LPP: variants seen among roughly 807,000 people sequenced by gnomAD.
LPP encodes lipoma-preferred partner.
In LPP, 38 loss-of-function variants were observed where a neutral mutation model predicts 60.4. That is an observed-to-expected ratio of 0.63 (90% CI 0.49 to 0.83). The LOEUF is 0.83. LPP is among the 40% of genes least tolerant of loss of function. The probability of loss-of-function intolerance (pLI) is 0.00; values close to 1 mark genes in which losing one functional copy is unlikely to be tolerated. For missense variants in LPP, 902 were observed against 783.6 expected, an observed-to-expected ratio of 1.15 and a Z score of -1.80; for synonymous variants, 328 against 290.8, an observed-to-expected ratio of 1.13 and a Z score of -1.30.
intron 4 of LPP, among the ~76,000 whole-genome samples, chr3:188,448,620 C>T (rs887863607): frequency 3.3e-5 from 5 of 152,020 alleles, no homozygotes; most frequent in South Asian, 2.1e-4. Context: ...TTGCCTAGGA[C>T]GTTCAGTGGG....
intron 9 of LPP, among the ~76,000 whole-genome samples, chr3:188,775,057 T>TTTG (rs1478023920): frequency 1.4e-5 from 2 of 145,400 alleles, no homozygotes; most frequent in African/African-American, 5.2e-5. Flanking sequence ...TGCTTAGTGT[T>TTTG]TTTTTTTTTT....
Position 188,182,937 on chromosome 3 carries a change from T to C in LPP, c.-190+28685T>C, listed in dbSNP as rs1725554612. Among the ~76,000 whole-genome samples, 1 of 152,122 alleles carries C rather than the reference T, an allele frequency of 6.6e-6. No individual in the cohort carries two copies. Among genetic ancestry groups the C allele is most frequent in the Admixed American group, 6.5e-5 (1 of 15,280 alleles). ...AGAGAAAATTCCCTCAGTGTTTCCA[T>C]TGTACATTGCTGGTGAAAAACCAAT... On this transcript the variant is annotated intron_variant, in intron 1 of 11. Coordinates refer to ENST00000617246, the MANE Select transcript of LPP (RefSeq NM_001375462.1). The surrounding 1 kb of genome is among the most constrained non-coding windows in gnomAD (Gnocchi z 4.4).
chr3:188,170,638 T>C (rs939784698), intron 1 of LPP, among the ~76,000 whole-genome samples: 2 of 149,180 alleles, frequency 1.3e-5, no homozygotes, highest in South Asian at 2.1e-4. Flanking sequence ...GCCGAGGGAG[T>C]CTCAGCTTCT....
chr3:188,676,162 G>C (rs558098318), intron 7 of LPP, among the ~76,000 whole-genome samples: 1 of 152,296 alleles, frequency 6.6e-6, no homozygotes, highest in African/African-American at 2.4e-5. Context: ...TATTCTGGTG[G>C]AATCGAATTC....
chr3:188,232,481 G>A lies in LPP; in HGVS notation c.-67+6954G>A, dbSNP rs557860675. Among the ~76,000 whole-genome samples the A allele has an allele frequency of 2.7e-3, 409 of 148,980 alleles. 1 individual carries two copies. The highest frequency in any genetic ancestry group is 3.8e-3 in the Non-Finnish European group (254 of 67,502). On this transcript the variant is annotated intron_variant, in intron 2 of 11. Coordinates refer to ENST00000617246, the MANE Select transcript of LPP (RefSeq NM_001375462.1). ...AGCCTCCCAAGTGGCTGGGATTACA[G>A]ATGCATGCCATCACACCCGGCTATT...
chr3:188,881,924 G>C lies in LPP; in HGVS notation c.*7445G>C, dbSNP rs1029618763. 2 of 217,610 alleles carry C rather than the reference G, an allele frequency of 9.2e-6. No homozygotes were observed. The highest frequency in any genetic ancestry group is 4.5e-5 in the African/African-American group (2 of 44,460). The allele number at this position is 217,610 out of a possible 1,614,324, so 13.5% of individuals were successfully genotyped here. The stretch of plus-strand genomic sequence containing the variant: ...CTGTGCTCAAATATTTGTACCTAGA[G>C]ACGTTACATGTTAGAAAAAGTGAGC... On this transcript the variant is annotated 3_prime_UTR_variant, in exon 12 of 12. Coordinates refer to ENST00000617246, the MANE Select transcript of LPP (RefSeq NM_001375462.1).
chr3:188,306,632 A>G (rs965828450), intron 2 of LPP, among the ~76,000 whole-genome samples: 24 of 152,116 alleles, frequency 1.6e-4, no homozygotes, highest in African/African-American at 5.6e-4. Context: ...TGTGTTGTTG[A>G]AATGCCATGC....
intron 2 of LPP, among the ~76,000 whole-genome samples, chr3:188,245,340 T>G (rs1726536186): frequency 6.6e-6 from 1 of 152,178 alleles, no homozygotes; most frequent in African/African-American, 2.4e-5. Context: ...CTCGAACTTC[T>G]GACCTCGTGA....
At chr3:188,539,506 A>G (rs567771620) in intron 6 of LPP, among the ~76,000 whole-genome samples, 1 of 152,186 alleles carries the variant, frequency 6.6e-6, no homozygotes, top group South Asian at 2.1e-4. Flanking sequence ...TGTAAGGTCA[A>G]TATTTTTCTA....
At chr3:188,251,373 G>A (rs191651148) in intron 2 of LPP, among the ~76,000 whole-genome samples, 7 of 152,074 alleles carry the variant, frequency 4.6e-5, no homozygotes, top group African/African-American at 1.7e-4. Context: ...AGTCAAGCAT[G>A]TCTTCATTAT....
In LPP at chr3:188,881,022, C is replaced by T. The variant is rs1473610697; in HGVS notation, c.*6543C>T. On this transcript the variant is annotated 3_prime_UTR_variant, in exon 12 of 12. Transcript: ENST00000617246. ...TGGCTCAGTGGCGGGCGCCTGTAGT[C>T]CCAGCTACTCAGGAGGCTGAGGCAG... is the stretch of plus-strand genomic sequence containing the variant. 6.2e-6 allele frequency: 1 copy of T among 162,224 alleles called. No homozygotes were observed. Among genetic ancestry groups the T allele is most frequent in the African/African-American group, 2.4e-5 (1 of 41,542 alleles). 10.0% of individuals were successfully genotyped at this position (162,224 alleles called of 1,614,324 possible). A position where few individuals can be genotyped will look rare whatever the true frequency, so the allele number is the denominator to read the frequency against.
rs1486419484 is a variant in LPP, at chr3:188,874,783, C to A, written c.*304C>A. The A allele has an allele frequency of 6.3e-5, 17 of 271,542 alleles. No individual in the cohort carries two copies. The allele number at this position is 271,542 out of a possible 1,614,324, so 16.8% of individuals were successfully genotyped here. A position where few individuals can be genotyped will look rare whatever the true frequency, so the allele number is the denominator to read the frequency against. ...ACTTTTAATCCCTATGTTTGTCTCA[C>A]TTTTCATCTGGTTGAATGGCTTTTC... is the stretch of plus-strand genomic sequence containing the variant. On this transcript the variant is annotated 3_prime_UTR_variant, in exon 12 of 12. Transcript: ENST00000617246.
rs1301896129 is a variant in LPP at position 188,251,015 on chromosome 3, C to CT, written c.-67+25488_-67+25489insT. ...TGCCCTCCCCCCCTGCCCTCCCCCC[C>CT]GCCCTCCCCCCTTCCCTCCCCTTTT... On this transcript the variant is annotated intron_variant, in intron 2 of 11. Coordinates refer to ENST00000617246, the MANE Select transcript of LPP (RefSeq NM_001375462.1). Among the ~76,000 whole-genome samples, 331 of 61,242 alleles carry CT rather than the reference C, an allele frequency of 5.4e-3. 12 individuals carry two copies. The highest frequency in any genetic ancestry group is 0.021 in the African/African-American group (303 of 14,458). The allele number at this position is 61,242 out of a possible 152,430, so 40.2% of individuals were successfully genotyped here.
chr3:188,824,129 G>A (rs972777323), intron 9 of LPP, among the ~76,000 whole-genome samples: 2 of 152,162 alleles, frequency 1.3e-5, no homozygotes, highest in Non-Finnish European at 1.5e-5. Context: ...TATACTAGTA[G>A]TGTGATTTTA....
At chr3:188,215,326 G>T (rs78568372) in intron 1 of LPP, among the ~76,000 whole-genome samples, 1 of 151,460 alleles carries the variant, frequency 6.6e-6, no homozygotes, top group East Asian at 1.9e-4. Context: ...AAAAAAAAAA[G>T]AGTACAGTTC....
intron 9 of LPP, among the ~76,000 whole-genome samples, chr3:188,810,745 T>C (rs1750690631): frequency 6.6e-6 from 1 of 152,162 alleles, no homozygotes; most frequent in Admixed American, 6.5e-5. Flanking sequence ...CTCAGTTCTC[T>C]ATGGATTCAA....
chr3:188,484,552 C>T (rs765854882), intron 4 of LPP, 40 bp from the exon 5 acceptor site: 1 of 1,398,264 alleles, frequency 7.2e-7, no homozygotes, highest in South Asian at 1.2e-5. Context: ...TATAACGTTG[C>T]ATCCTTATTA....
intron 8 of LPP, among the ~76,000 whole-genome samples, chr3:188,718,127 A>G (rs1181317084): frequency 6.6e-6 from 1 of 152,166 alleles, no homozygotes; most frequent in East Asian, 1.9e-4. Context: ...CGGCCTGGCT[A>G]ATGTGTTTTT....
intron 5 of LPP, among the ~76,000 whole-genome samples, chr3:188,518,982 G>A (rs540695008): frequency 5.3e-5 from 8 of 152,008 alleles, no homozygotes; most frequent in East Asian, 1.9e-4. Context: ...AATCGTTAAC[G>A]TATTAGGCAA....
Sources: gnomAD v4.1 joint callset for allele counts (sites outside exome capture counted in the v4.1 genomes callset) on GRCh38, gnomAD v4.1.1 for gene constraint, Gnocchi (gnomAD v3.1) non-coding constraint, MANE v1.5 for transcripts, NCBI Gene and HGNC (gene_info 2026-07-23, HGNC 2026-07-21) for gene names.